KALRN: variants seen among roughly 807,000 people sequenced by gnomAD.
KALRN encodes kalirin RhoGEF kinase.
A neutral mutation model predicts 353.7 loss-of-function variants in KALRN; 70 were observed. The ratio of observed to expected loss-of-function variants is 0.20; its 90% CI spans 0.16 to 0.24. The LOEUF (loss-of-function observed/expected upper bound fraction) is 0.24, where lower values mean the gene tolerates loss of function less well. Among genes scored for constraint, KALRN ranks in the 10% least tolerant of loss-of-function variants. The pLI is 1.00. For missense variants in KALRN, 2,791 were observed against 3,756.7 expected (o/e 0.74, Z 6.72); for synonymous variants, 1,391 against 1,434.8 (o/e 0.97, Z 0.69).
At chr3:124,641,481 A>G (rs2082036771) in intron 37 of KALRN, among the ~76,000 whole-genome samples, 1 of 152,216 alleles carries the variant, frequency 6.6e-6, no homozygotes, top group African/African-American at 2.4e-5. Context: ...TGACTGTGTA[A>G]GGAATCAGAA....
intron 29 of KALRN, 168 bp downstream of exon 29, chr3:124,488,483 A>G (rs1335724619): frequency 8.4e-6 from 5 of 595,178 alleles, no homozygotes; most frequent in South Asian, 2.0e-5. Flanking sequence ...CTCCACAAGG[A>G]CCAATTTGGC....
intron 2 of KALRN, among the ~76,000 whole-genome samples, chr3:124,233,207 G>C (rs1223500456): frequency 1.3e-5 from 2 of 152,154 alleles, no homozygotes; most frequent in Non-Finnish European, 2.9e-5. Context: ...AACAGCTATG[G>C]TAAAACAAGC....
intron 1 of KALRN, among the ~76,000 whole-genome samples, chr3:124,224,492 A>G (rs1171461787): frequency 1.3e-5 from 2 of 152,218 alleles, no homozygotes; most frequent in Non-Finnish European, 2.9e-5. Flanking sequence ...CACAGGTTGC[A>G]CAAGTGTGAT....
intron 51 of KALRN, among the ~76,000 whole-genome samples, chr3:124,689,076 G>C: frequency 6.6e-6 from 1 of 152,276 alleles, no homozygotes; most frequent in East Asian, 1.9e-4. Flanking sequence ...TCTTTCCCAC[G>C]GTGTCTACAC....
intron 1 of KALRN, chr3:124,163,746 T>C: frequency 1.0e-6 from 1 of 985,420 alleles, no homozygotes; most frequent in Non-Finnish European, 1.2e-6. Context: ...ACTACAGGCT[T>C]GCTCTGAGCC....
chr3:124,672,663 C>T (rs760724507), intron 48 of KALRN, among the ~76,000 whole-genome samples: 3 of 152,160 alleles, frequency 2.0e-5, no homozygotes, highest in Non-Finnish European at 2.9e-5. Context: ...GAGTCAAAGA[C>T]TCAACCATAG....
chr3:124,487,339 T>C (rs1008724760), intron 28 of KALRN, among the ~76,000 whole-genome samples: 2 of 152,026 alleles, frequency 1.3e-5, no homozygotes, highest in Non-Finnish European at 2.9e-5. Context: ...GAGTCTCCAA[T>C]GAGGAAATAC....
intron 5 of KALRN, among the ~76,000 whole-genome samples, chr3:124,297,389 C>T (rs770947033): frequency 6.6e-6 from 1 of 152,242 alleles, no homozygotes; most frequent in Non-Finnish European, 1.5e-5. Context: ...CAAGTATACT[C>T]TTTCACACCT....
chr3:124,662,592 C>T (rs333287), intron 45 of KALRN, among the ~76,000 whole-genome samples: 63,795 of 151,880 alleles, frequency 0.42, 15,659 homozygotes, highest in African/African-American at 0.69. Flanking sequence ...TCTGGCTTTT[C>T]AGTTAAATGA....
chr3:124,222,387 G>T (rs1299525142), intron 1 of KALRN, among the ~76,000 whole-genome samples: 1 of 152,038 alleles, frequency 6.6e-6, no homozygotes, highest in Non-Finnish European at 1.5e-5. Flanking sequence ...TGAATCTCTG[G>T]AATCTCTGGG....
intron 6 of KALRN, among the ~76,000 whole-genome samples, chr3:124,323,213 A>G (rs1414344541): frequency 6.6e-6 from 1 of 152,056 alleles, no homozygotes; most frequent in Admixed American, 6.6e-5. Context: ...ACTGTGGAGG[A>G]CTGCCAGCCT....
intron 33 of KALRN, among the ~76,000 whole-genome samples, chr3:124,552,680 G>T (rs567007223): frequency 6.6e-5 from 10 of 152,216 alleles, no homozygotes; most frequent in African/African-American, 2.4e-4. Context: ...CCGTGGGTTT[G>T]GGAATAGTTT....
At chr3:124,397,188 C>A (rs1054919691) in intron 12 of KALRN, among the ~76,000 whole-genome samples, 3 of 152,188 alleles carry the variant, frequency 2.0e-5, no homozygotes, top group Admixed American at 6.5e-5. Flanking sequence ...ATCCTCCCAG[C>A]AGCAAAGCCC....
intron 1 of KALRN, among the ~76,000 whole-genome samples, chr3:124,156,476 G>C (rs545956297): frequency 6.6e-6 from 1 of 152,226 alleles, no homozygotes; most frequent in South Asian, 2.1e-4. Flanking sequence ...GCTCATTCCT[G>C]TTCCCCGCCA....
intron 33 of KALRN, among the ~76,000 whole-genome samples, chr3:124,509,398 G>A (rs540424431): frequency 6.6e-5 from 10 of 152,198 alleles, no homozygotes; most frequent in South Asian, 4.2e-4. Context: ...TAGTAGAGAC[G>A]GAGTTTCACC....
At chr3:124,532,745 A>C (rs1262345200) in intron 33 of KALRN, among the ~76,000 whole-genome samples, 3 of 152,132 alleles carry the variant, frequency 2.0e-5, no homozygotes, top group Non-Finnish European at 4.4e-5. Flanking sequence ...AGGTTGCAGT[A>C]AGCTGAGATC....
chr3:124,718,391 G>T (rs1453389255), intron 59 of KALRN, among the ~76,000 whole-genome samples: 1 of 152,152 alleles, frequency 6.6e-6, no homozygotes, highest in Non-Finnish European at 1.5e-5. Context: ...AAAGTGCTGG[G>T]ATTATAGGTG....
At chr3:124,386,776 T>C (rs1010416270) in intron 11 of KALRN, among the ~76,000 whole-genome samples, 13 of 152,376 alleles carry the variant, frequency 8.5e-5, no homozygotes, top group Admixed American at 2.6e-4. Flanking sequence ...TTACCAAGCC[T>C]AAGATTTGGT....
At chr3:124,367,520 C>T (rs1462171693) in intron 10 of KALRN, among the ~76,000 whole-genome samples, 5 of 108,672 alleles carry the variant, frequency 4.6e-5, no homozygotes, top group East Asian at 7.0e-4. Flanking sequence ...GGCTGACCCC[C>T]CCACCTCCCT....
Sources: gnomAD v4.1 joint callset for allele counts (sites outside exome capture counted in the v4.1 genomes callset) on GRCh38, gnomAD v4.1.1 for gene constraint, MANE v1.5 for transcripts, NCBI Gene and HGNC (gene_info 2026-07-23, HGNC 2026-07-21) for gene names.